MAST2: variants seen among roughly 807,000 people sequenced by gnomAD.
MAST2 encodes the protein microtubule-associated serine/threonine-protein kinase 2.
In MAST2, 70 loss-of-function variants were observed where a neutral mutation model predicts 147.4. The observed-to-expected ratio is 0.47, with a 90% CI of 0.39 to 0.58. The LOEUF is 0.58. MAST2 is among the 20% of genes least tolerant of loss of function. MAST2 has a pLI of 0.00. For missense variants in MAST2, 2,080 were observed against 2,302.3 expected (o/e 0.90, Z 1.98); for synonymous variants, 869 against 896.8 (o/e 0.97, Z 0.55).
chr1:45,948,426 G>C (rs1442027523), intron 4 of MAST2, among the ~76,000 whole-genome samples: 1 of 151,952 alleles, frequency 6.6e-6, no homozygotes, highest in Non-Finnish European at 1.5e-5. Flanking sequence ...TATGGAACCG[G>C]GCCGGGTGCG....
At chr1:45,926,877 A>C (rs1045532883) in intron 4 of MAST2, among the ~76,000 whole-genome samples, 7 of 152,256 alleles carry the variant, frequency 4.6e-5, no homozygotes, top group African/African-American at 1.7e-4. Context: ...GAATGAAGAT[A>C]TAATCCTGTA....
chr1:45,877,018 A>T (rs1403550935), intron 3 of MAST2, among the ~76,000 whole-genome samples: 1 of 152,194 alleles, frequency 6.6e-6, no homozygotes, highest in Non-Finnish European at 1.5e-5. Context: ...GAAAAAGAGG[A>T]TATATTACCT....
At chr1:45,987,018 G>C (rs564835780) in intron 5 of MAST2, among the ~76,000 whole-genome samples, 2 of 152,204 alleles carry the variant, frequency 1.3e-5, no homozygotes, top group South Asian at 4.1e-4. Flanking sequence ...TTGTGGGAAG[G>C]TTTTAAATTA....
rs989252877 is a variant in MAST2 at position 46,012,106 on chromosome 1, T to C, written c.1188+1167T>C. ...ATAACTTTAGAAAGCCAGAGTCCCA[T>C]GAAAATCACTGGTAGCTGTTTGTTT... On this transcript the variant is annotated intron_variant, in intron 10 of 28. Transcript: ENST00000361297. 4.6e-5 allele frequency among the ~76,000 whole-genome samples: 7 copies of C among 152,294 alleles called. No individual in the cohort carries two copies. In the South Asian group the frequency reaches 1.4e-3, roughly 32 times the overall value.
chr1:45,921,763 C>G (rs535974019), intron 4 of MAST2, among the ~76,000 whole-genome samples: 3 of 152,068 alleles, frequency 2.0e-5, no homozygotes, highest in African/African-American at 7.2e-5. Context: ...GGTCTGGTCT[C>G]TCCAAAGGGC....
intron 4 of MAST2, among the ~76,000 whole-genome samples, chr1:45,925,682 A>G (rs1472925391): frequency 2.0e-5 from 3 of 152,220 alleles, no homozygotes; most frequent in Non-Finnish European, 4.4e-5. Flanking sequence ...CTGAAGTAGG[A>G]GGGCTTGCAG....
chr1:45,843,887 A>G (rs1013269208), intron 3 of MAST2, among the ~76,000 whole-genome samples: 15 of 152,200 alleles, frequency 9.9e-5, no homozygotes, highest in African/African-American at 3.6e-4. Context: ...GTCTTAGCTT[A>G]CTCTCAAGAG....
At chr1:45,987,762 G>GTTTTTTTTTTTTTTTATTTTTTTTTTTTT (rs11462786) in intron 5 of MAST2, among the ~76,000 whole-genome samples, 2 of 62,732 alleles carry the variant, frequency 3.2e-5, no homozygotes, top group Admixed American at 2.3e-4. Flanking sequence ...AGCATTTCTT[G>GTTTTTTTTTTTTTTTATTTTTTTTTTTTT]TTTTTTTTTT....
At chr1:45,986,411 A>G (rs1644618414) in intron 5 of MAST2, among the ~76,000 whole-genome samples, 1 of 152,072 alleles carries the variant, frequency 6.6e-6, no homozygotes, top group African/African-American at 2.4e-5. Context: ...CCCACCTCCC[A>G]TTATTTAGAG....
chr1:45,967,855 A>C (rs1570979384), intron 5 of MAST2, among the ~76,000 whole-genome samples: 2 of 152,214 alleles, frequency 1.3e-5, no homozygotes, highest in Admixed American at 1.3e-4. Flanking sequence ...AATACACCTA[A>C]ATCCTCTCTT....
chr1:45,985,500 C>A (rs1329258040), intron 5 of MAST2, among the ~76,000 whole-genome samples: 2 of 152,236 alleles, frequency 1.3e-5, no homozygotes, highest in Non-Finnish European at 2.9e-5. Flanking sequence ...TAATTACTTG[C>A]AGGCAACCAC....
At chr1:45,844,607 G>T (rs558600169) in intron 3 of MAST2, among the ~76,000 whole-genome samples, 1 of 152,008 alleles carries the variant, frequency 6.6e-6, no homozygotes, top group Non-Finnish European at 1.5e-5. Context: ...TAAACTTTTT[G>T]TAGAGGTGGG....
chr1:46,012,729 T>A (rs963566588), intron 10 of MAST2, among the ~76,000 whole-genome samples: 1 of 152,010 alleles, frequency 6.6e-6, no homozygotes, highest in Non-Finnish European at 1.5e-5. Context: ...GCACAGTGGC[T>A]CATGCCTGTA....
Position 45,888,663 on chromosome 1 carries a change from CTTTTTTTTTTTTTTTTTTT to C in MAST2, c.500+6286_500+6304del, listed in dbSNP as rs71587722. On this transcript the variant is annotated intron_variant, in intron 4 of 28. Coordinates refer to ENST00000361297, the MANE Select transcript of MAST2 (RefSeq NM_015112.3). Reference sequence around the variant, plus strand: ...AGGCGTGAGCCACCGCGCGCGGCCTCTTTTTTTTTTTTTTTTTTTTTTTTTTTTTTTTTTTTGAGATGGA... The same window carrying C: ...AGGCGTGAGCCACCGCGCGCGGCCTCTTTTTTTTTTTTTTTTTGAGATGGA... 8.2e-3 allele frequency among the ~76,000 whole-genome samples: 398 copies of C among 48,726 alleles called. 8 individuals are homozygous for C. The highest frequency in any genetic ancestry group is 0.03 in the East Asian group (51 of 1,708). The allele number at this position is 48,726 out of a possible 152,430, so 32.0% of individuals were successfully genotyped here.
At position 45,861,251 on chromosome 1, in the gene MAST2, CTT is replaced by C. The variant is rs563300153; in HGVS notation, c.469-21111_469-21110del. ...TATCTGGTAAAGCTGTTTAGTAAAA[CTT>C]TGCCTTTGCATTACTGTAGTCTACT... On this transcript the variant is annotated intron_variant, in intron 3 of 28. Coordinates refer to ENST00000361297, the MANE Select transcript of MAST2 (RefSeq NM_015112.3). Among the ~76,000 whole-genome samples the C allele has an allele frequency of 3.0e-3, 452 of 152,258 alleles. 4 individuals carry two copies. Among genetic ancestry groups the C allele is most frequent in the East Asian group, 1.3e-3 (7 of 5,188 alleles).
At chr1:45,818,975 C>T (rs921288358) in intron 1 of MAST2, among the ~76,000 whole-genome samples, 8 of 151,932 alleles carry the variant, frequency 5.3e-5, no homozygotes, top group African/African-American at 1.2e-4. Flanking sequence ...ATTCCAAGAC[C>T]GGGCATAGTG....
At chr1:45,835,929 A>G (rs963587346) in intron 3 of MAST2, among the ~76,000 whole-genome samples, 7 of 152,222 alleles carry the variant, frequency 4.6e-5, no homozygotes, top group African/African-American at 1.4e-4. Context: ...TATAGCATGT[A>G]TCAATACTTT....
chr1:45,868,495 C>T (rs1169950013), intron 3 of MAST2, among the ~76,000 whole-genome samples: 1 of 152,126 alleles, frequency 6.6e-6, no homozygotes, highest in Non-Finnish European at 1.5e-5. Flanking sequence ...TGCCTTCAGG[C>T]AAAAACTAAA....
intron 15 of MAST2, 41 bp from the exon 16 acceptor site, chr1:46,025,636 G>A (rs776657080): frequency 6.2e-7 from 1 of 1,612,682 alleles, no homozygotes; most frequent in Non-Finnish European, 8.5e-7. Context: ...CTAGAGCAGG[G>A]AACTGAATCC....
Sources: allele counts gnomAD v4.1 joint callset (sites outside exome capture counted in the v4.1 genomes callset), GRCh38; gene constraint gnomAD v4.1.1; transcripts MANE v1.5; gene names NCBI Gene and HGNC (gene_info 2026-07-23, HGNC 2026-07-21).